The following CHST11 variants were observed in gnomAD, a reference collection of about 807,000 sequenced individuals.
CHST11 encodes carbohydrate sulfotransferase 11.
In CHST11, 9 loss-of-function variants were observed where a neutral mutation model predicts 30.4. The ratio of observed to expected loss-of-function variants is 0.30; its 90% CI spans 0.18 to 0.52. The LOEUF (loss-of-function observed/expected upper bound fraction) is 0.52. Ranked by LOEUF, CHST11 falls within the 20% of genes least tolerant of loss-of-function variation. The pLI is 0.97. For missense variants in CHST11, 348 were observed against 460.6 expected, an observed-to-expected ratio of 0.76 and a Z score of 2.24; for synonymous variants, 152 against 187.8, an observed-to-expected ratio of 0.81 and a Z score of 1.56.
chr12:104,663,973 A>G (rs1592825080), intron 2 of CHST11, among the ~76,000 whole-genome samples: 1 of 152,148 alleles, frequency 6.6e-6, no homozygotes, highest in East Asian at 1.9e-4. Context: ...GCCCCTGTCC[A>G]CTAGGGTACC....
chr12:104,576,000 G>T (rs1340274134), intron 1 of CHST11, among the ~76,000 whole-genome samples: 1 of 151,746 alleles, frequency 6.6e-6, no homozygotes, highest in African/African-American at 2.4e-5. Flanking sequence ...CCTCGGGTGG[G>T]TGGGTGGCAT....
chr12:104,750,440 T>TTTTTTTTTTTG (rs2040421010), intron 2 of CHST11, among the ~76,000 whole-genome samples: 1 of 107,988 alleles, frequency 9.3e-6, no homozygotes, highest in Non-Finnish European at 1.9e-5. Flanking sequence ...TTTTTTTTTT[T>TTTTTTTTTTTG]TTTTTTTTTT....
Position 104,612,002 on chromosome 12 carries a change from G to A in CHST11, c.204+10011G>A, listed in dbSNP as rs2039065005. On this transcript the variant is annotated intron_variant, in intron 2 of 2. Transcript: ENST00000303694. ...AGCCCAGACCCCACCCTCTCTCGCC[G>A]CTTAGCCCACACTCAGCCCTGTTTC... 2.0e-5 allele frequency among the ~76,000 whole-genome samples: 3 copies of A among 152,180 alleles called. No individual in the cohort carries two copies. In the South Asian group the frequency reaches 6.2e-4, roughly 31 times the overall value.
intron 2 of CHST11, among the ~76,000 whole-genome samples, chr12:104,670,533 TCA>T (rs1391607422): frequency 1.4e-5 from 2 of 146,390 alleles, no homozygotes; most frequent in African/African-American, 5.2e-5. Flanking sequence ...ACACATGCAC[TCA>T]CACTTACACA....
intron 1 of CHST11, among the ~76,000 whole-genome samples, chr12:104,510,866 T>C (rs941624864): frequency 6.6e-6 from 1 of 152,196 alleles, no homozygotes; most frequent in Non-Finnish European, 1.5e-5. Context: ...CTGTAAAATA[T>C]TTGATAGCTT....
At chr12:104,471,055 A>G (rs1201659058) in intron 1 of CHST11, among the ~76,000 whole-genome samples, 2 of 152,040 alleles carry the variant, frequency 1.3e-5, no homozygotes, top group African/African-American at 2.4e-5. Flanking sequence ...GTCTTTCTTC[A>G]ACTTGGATGT....
At chr12:104,614,499 T>G (rs2039089042) in intron 2 of CHST11, among the ~76,000 whole-genome samples, 1 of 152,026 alleles carries the variant, frequency 6.6e-6, no homozygotes, top group South Asian at 2.1e-4. Context: ...GAGCTATGAT[T>G]GTGCCACTGC....
intron 2 of CHST11, among the ~76,000 whole-genome samples, chr12:104,697,149 C>T (rs759706785): frequency 7.2e-5 from 11 of 152,302 alleles, no homozygotes; most frequent in Middle Eastern, 6.8e-3. Flanking sequence ...TCAGGACACC[C>T]GCCAGCAGTG....
chr12:104,720,128 G>A (rs902140871), intron 2 of CHST11, among the ~76,000 whole-genome samples: 9 of 152,200 alleles, frequency 5.9e-5, no homozygotes, highest in East Asian at 1.9e-4. Flanking sequence ...GGCGGCATCC[G>A]GAGCCCCAAG....
chr12:104,703,177 A>G (rs917913194), intron 2 of CHST11, among the ~76,000 whole-genome samples: 1 of 152,192 alleles, frequency 6.6e-6, no homozygotes, highest in Non-Finnish European at 1.5e-5. Flanking sequence ...TGCCTGGGCC[A>G]TAGTGGGTGC....
At chr12:104,733,501 G>A (rs312165) in intron 2 of CHST11, among the ~76,000 whole-genome samples, 1 of 152,008 alleles carries the variant, frequency 6.6e-6, no homozygotes, top group Non-Finnish European at 1.5e-5. Context: ...TCAGTTGTTG[G>A]GAGTCGCAGC....
intron 2 of CHST11, among the ~76,000 whole-genome samples, chr12:104,679,922 G>C (rs2039778910): frequency 6.6e-6 from 1 of 152,170 alleles, no homozygotes; most frequent in Non-Finnish European, 1.5e-5. Context: ...CCTCTGGTTT[G>C]TTTTTGTTGT....
At chr12:104,679,097 G>T (rs777480599) in intron 2 of CHST11, among the ~76,000 whole-genome samples, 1 of 152,170 alleles carries the variant, frequency 6.6e-6, no homozygotes, top group African/African-American at 2.4e-5. Context: ...GCCACCAACC[G>T]ACCTGTGAGG....
rs2037534815 is a variant in CHST11 at position 104,473,960 on chromosome 12, C to T, written c.118+16431C>T. 2.6e-5 allele frequency among the ~76,000 whole-genome samples: 4 copies of T among 152,042 alleles called. No homozygotes were observed. The South Asian group carries it at 8.3e-4, about 32-fold the overall frequency. ...ACCACCGCGACCACTACAACCACGA[C>T]AGGGAGAACTCTTCCAAAGGCTTAA... On this transcript the variant is annotated intron_variant, in intron 1 of 2. Transcript: ENST00000303694.
intron 1 of CHST11, among the ~76,000 whole-genome samples, chr12:104,559,775 T>C (rs61555517): frequency 0.27 from 40,884 of 151,880 alleles, 5,711 homozygotes; most frequent in Middle Eastern, 0.4. Context: ...TAAAATAAAA[T>C]AAACACATGC....
At chr12:104,661,951 AGAT>A (rs1323183233) in intron 2 of CHST11, among the ~76,000 whole-genome samples, 1 of 152,242 alleles carries the variant, frequency 6.6e-6, no homozygotes. Flanking sequence ...GGCAAAAAGA[AGAT>A]GTTACTTTTA....
At position 104,600,965 on chromosome 12, in the gene CHST11, C is replaced by T. The variant is rs186408811; in HGVS notation, c.119-941C>T. On this transcript the variant is annotated intron_variant, in intron 1 of 2. Transcript: ENST00000303694. The surrounding 1 kb of genome is among the most constrained non-coding windows in gnomAD (Gnocchi z 4.1). ...TTCCTCCCTCTTTTCCTCTCTCCTTCTTCCCTTCCCTTCCTTCCTTCGCTT... is the reference window on the plus strand; with the variant it reads ...TTCCTCCCTCTTTTCCTCTCTCCTTTTTCCCTTCCCTTCCTTCCTTCGCTT... Among the ~76,000 whole-genome samples, 60 of 147,786 alleles carry T rather than the reference C, an allele frequency of 4.1e-4. No individual in the cohort carries two copies. The highest frequency in any genetic ancestry group is 1.5e-3 in the African/African-American group (60 of 39,870).
intron 2 of CHST11, among the ~76,000 whole-genome samples, chr12:104,612,231 A>G (rs896482520): frequency 1.6e-4 from 25 of 152,014 alleles, no homozygotes; most frequent in African/African-American, 5.6e-4. Context: ...GAAATGTATC[A>G]TCTCACAGTT....
At chr12:104,465,421 T>G (rs1452589459) in intron 1 of CHST11, among the ~76,000 whole-genome samples, 3 of 152,230 alleles carry the variant, frequency 2.0e-5, no homozygotes, top group African/African-American at 7.2e-5. Flanking sequence ...CATCTAGAAA[T>G]AGACATAAAC....
Sources: allele counts gnomAD v4.1 joint callset (sites outside exome capture counted in the v4.1 genomes callset), GRCh38; gene constraint gnomAD v4.1.1; non-coding constraint Gnocchi (gnomAD v3.1); transcripts MANE v1.5; gene names NCBI Gene and HGNC (gene_info 2026-07-23, HGNC 2026-07-21).